The following C1orf56 variants were observed in gnomAD, a reference collection of about 807,000 sequenced individuals.
C1orf56 encodes the protein protein MENT.
A neutral mutation model predicts 20.7 loss-of-function variants in C1orf56; 14 were observed. The ratio of observed to expected loss-of-function variants is 0.68; its 90% CI spans 0.45 to 1.06. The LOEUF is 1.06. Ranked by LOEUF, C1orf56 falls within the 50% of genes least tolerant of loss-of-function variation. The pLI, the probability that C1orf56 is intolerant of heterozygous loss-of-function variation, is 0.00. For missense variants in C1orf56, 424 were observed against 451.4 expected, an observed-to-expected ratio of 0.94 and a Z score of 0.55; for synonymous variants, 187 against 194.7, an observed-to-expected ratio of 0.96 and a Z score of 0.33.
chr1:151,048,459 G>A lies in C1orf56; in HGVS notation c.612G>A (p.Met204Ile), dbSNP rs1420641490. Reference sequence around the variant, plus strand: ...CTGAGGATCTGCGGCTGGTGCTGATGCCCTGGGGCCCGTGGCACTGCCACT... The same window carrying A: ...CTGAGGATCTGCGGCTGGTGCTGATACCCTGGGGCCCGTGGCACTGCCACT... ...PSPEDLRLVL[M>I]PWGPWHCHCK... is the part of the protein sequence containing the mutation. The change falls in exon 1 of 2, where the codon ATG (methionine) becomes ATA (isoleucine). Residue 204 changes from methionine (M) to isoleucine (I), a missense_variant. Transcript: ENST00000368926. The surrounding 1 kb of genome is among the most constrained non-coding windows in gnomAD (Gnocchi z 4.8). The A allele has an allele frequency of 1.9e-6, 3 of 1,608,224 alleles. No individual in the cohort carries two copies. The highest frequency in any genetic ancestry group is 2.2e-5 in the South Asian group (2 of 91,068).
In C1orf56 at chr1:151,051,392, T is replaced by TGAA. The variant is rs1676176239; in HGVS notation, c.*935_*937dup. On this transcript the variant is annotated 3_prime_UTR_variant, in exon 2 of 2. Transcript: ENST00000368926. The stretch of plus-strand genomic sequence containing the variant: ...AAATGGCAGAAAATACATGGAAATT[T>TGAA]GAAAAAAAAAAAAAAAAAAAAAAAA... 2.7e-4 allele frequency: 1 copy of TGAA among 3,688 alleles called. No individual in the cohort carries two copies. Among genetic ancestry groups the TGAA allele is most frequent in the Non-Finnish European group, 1.0e-3 (1 of 986 alleles). The allele number at this position is 3,688 out of a possible 1,614,324, so 0.2% of individuals were successfully genotyped here. A position where few individuals can be genotyped will look rare whatever the true frequency, so the allele number is the denominator to read the frequency against.
chr1:151,048,954 G>T lies in C1orf56; in HGVS notation c.1005+102G>T. ...CCAGCCAGTGTTGCTTACATGAACT[G>T]TTACTGACTTACCTGGTTATTGATT... On this transcript the variant is annotated intron_variant, in intron 1 of 1. Coordinates refer to ENST00000368926, the MANE Select transcript of C1orf56 (RefSeq NM_017860.5). The surrounding 1 kb of genome is among the most constrained non-coding windows in gnomAD (Gnocchi z 4.8). 6.8e-7 allele frequency: 1 copy of T among 1,463,932 alleles called. No homozygotes were observed. Among genetic ancestry groups the T allele is most frequent in the Non-Finnish European group, 9.1e-7 (1 of 1,103,840 alleles). The allele number at this position is 1,463,932 out of a possible 1,614,324, so 90.7% of individuals were successfully genotyped here. A position where few individuals can be genotyped will look rare whatever the true frequency, so the allele number is the denominator to read the frequency against.
Position 151,048,167 on chromosome 1 carries a change from C to T in C1orf56, c.320C>T (p.Ser107Leu). The change falls in exon 1 of 2, where the codon TCA (serine) becomes TTA (leucine). Residue 107 changes from serine to leucine, a missense_variant. Transcript: ENST00000368926. This position sits in a 1 kb window ranked among gnomAD's most constrained non-coding sequence, Gnocchi z 4.8. ...SSAINEEDGS[S>L]EEGVVINAGK... ...GCCATTAACGAGGAGGATGGGTCTT[C>T]AGAAGAGGGGGTTGTGATTAATGCC... is the stretch of plus-strand genomic sequence containing the variant. 1 of 1,614,160 alleles carries T rather than the reference C, an allele frequency of 6.2e-7. No individual in the cohort carries two copies. The highest frequency in any genetic ancestry group is 8.5e-7 in the Non-Finnish European group (1 of 1,180,034).
At position 151,051,405 on chromosome 1, in the gene C1orf56, A is replaced by AAAT. The variant is rs1428422593; in HGVS notation, c.*949_*950insTAA. ...TACATGGAAATTTGAAAAAAAAAAA[A>AAAT]AAAAAAAAAAAAAAAGAACCTCAGT... On this transcript the variant is annotated 3_prime_UTR_variant, in exon 2 of 2. Coordinates refer to ENST00000368926, the MANE Select transcript of C1orf56 (RefSeq NM_017860.5). 1.4e-5 allele frequency: 2 copies of AAAT among 148,074 alleles called. No individual in the cohort carries two copies. The highest frequency in any genetic ancestry group is 1.5e-5 in the Non-Finnish European group (1 of 66,876). The allele number at this position is 148,074 out of a possible 1,614,324, so 9.2% of individuals were successfully genotyped here. A position where few individuals can be genotyped will look rare whatever the true frequency, so the allele number is the denominator to read the frequency against.
chr1:151,050,173 T>C (rs187308588), intron 1 of C1orf56, among the ~76,000 whole-genome samples: 3 of 152,378 alleles, frequency 2.0e-5, no homozygotes, highest in Admixed American at 6.5e-5. Context: ...AAGGTTCTGA[T>C]TGACTTGATA....
rs766053184 is a variant in C1orf56, at chr1:151,048,291, C to G, written c.444C>G (p.Ile148Met). 8 of 1,614,230 alleles carry G rather than the reference C, an allele frequency of 5.0e-6. No homozygotes were observed. The highest frequency in any genetic ancestry group is 4.4e-5 in the South Asian group (4 of 91,084). ...RFIANSQEPE[I>M]RLTSSLPRSP... ...TAGCCAATAGTCAGGAGCCTGAAAT[C>G]AGGCTGACTTCAAGCCTGCCGCGCT... is the stretch of plus-strand genomic sequence containing the variant. The change falls in exon 1 of 2, where the codon ATC becomes ATG. Residue 148 changes from isoleucine to methionine, a missense_variant. Ile to Met is a conservative substitution (Grantham distance 10). Transcript: ENST00000368926. The surrounding 1 kb of genome is among the most constrained non-coding windows in gnomAD (Gnocchi z 4.8).
At position 151,048,034 on chromosome 1, in the gene C1orf56, A is replaced by C; in HGVS notation, c.187A>C (p.Ile63Leu). ...RTGLPRKTRIILEDENDAMAD... is the reference protein window; with the variant it reads ...RTGLPRKTRILLEDENDAMAD... ...TGGTCTTCCCCGGAAGACAAGGATA[A>C]TCCTAGAGGACGAGAATGATGCCAT... Residue 63 changes from isoleucine to leucine, a missense_variant, in exon 1 of 2, where the codon ATC becomes CTC. Ile to Leu is a conservative substitution (Grantham distance 5). Coordinates refer to ENST00000368926, the MANE Select transcript of C1orf56 (RefSeq NM_017860.5). The surrounding 1 kb of genome is among the most constrained non-coding windows in gnomAD (Gnocchi z 4.8). 6.2e-7 allele frequency: 1 copy of C among 1,614,070 alleles called. No homozygotes were observed. Among genetic ancestry groups the C allele is most frequent in the South Asian group, 1.1e-5 (1 of 91,082 alleles).
intron 1 of C1orf56, chr1:151,049,444 C>T (rs1162864928): frequency 6.6e-6 from 1 of 152,078 alleles, no homozygotes; most frequent in East Asian, 1.9e-4. Context: ...TTTTCACAGA[C>T]AAGATCTCGC....
Position 151,047,774 on chromosome 1 carries a change from G to A in C1orf56, c.-74G>A. ...TCAAACGACCCGGTGGGTCTACAGCGGAAGGGAGGGAGCGAAGGTAGGAGG... is the reference window on the plus strand; with the variant it reads ...TCAAACGACCCGGTGGGTCTACAGCAGAAGGGAGGGAGCGAAGGTAGGAGG... On this transcript the variant is annotated 5_prime_UTR_variant, in exon 1 of 2. Transcript: ENST00000368926. The A allele has an allele frequency of 1.4e-6, 2 of 1,440,550 alleles. No individual in the cohort carries two copies. Among genetic ancestry groups the A allele is most frequent in the Admixed American group, 2.8e-5 (1 of 35,246 alleles). The allele number at this position is 1,440,550 out of a possible 1,614,324, so 89.2% of individuals were successfully genotyped here. A position where few individuals can be genotyped will look rare whatever the true frequency, so the allele number is the denominator to read the frequency against.
intron 1 of C1orf56, among the ~76,000 whole-genome samples, chr1:151,050,125 CAAGG>C (rs1205162411): frequency 6.6e-6 from 1 of 152,236 alleles, no homozygotes; most frequent in Non-Finnish European, 1.5e-5. Context: ...CCTTCCAGGA[CAAGG>C]AAGGATAGTC....
Position 151,047,754 on chromosome 1 carries a change from C to A in C1orf56, c.-94C>A, listed in dbSNP as rs1676082663. The A allele has an allele frequency of 8.4e-6, 12 of 1,422,622 alleles. No homozygotes were observed. Among genetic ancestry groups the A allele is most frequent in the Non-Finnish European group, 1.1e-5 (12 of 1,094,514 alleles). 88.1% of individuals were successfully genotyped at this position (1,422,622 alleles called of 1,614,324 possible). ...CCTTCCCCGCGGGCCTCGGTTCAAACGACCCGGTGGGTCTACAGCGGAAGG... is the reference window on the plus strand; with the variant it reads ...CCTTCCCCGCGGGCCTCGGTTCAAAAGACCCGGTGGGTCTACAGCGGAAGG... On this transcript the variant is annotated 5_prime_UTR_variant, in exon 1 of 2. Transcript: ENST00000368926.
In C1orf56 at chr1:151,048,623, G is replaced by A. The variant is rs905040036; in HGVS notation, c.776G>A (p.Arg259Gln). Residue 259 changes from arginine (R) to glutamine (Q), a missense_variant, in exon 1 of 2, where the codon CGG (arginine) becomes CAG (glutamine). By Grantham distance (43) the Arg-to-Gln change is conservative. Coordinates refer to ENST00000368926, the MANE Select transcript of C1orf56 (RefSeq NM_017860.5). The surrounding 1 kb of genome is among the most constrained non-coding windows in gnomAD (Gnocchi z 4.8). ...CAACAATGTCCCTGCAACCGACTTC[G>A]GGAAGAGTGCCCCCTGGACACAAGT... is the stretch of plus-strand genomic sequence containing the variant. ...TYQQCPCNRL[R>Q]EECPLDTSLC... 1.9e-6 allele frequency: 3 copies of A among 1,614,222 alleles called. No individual in the cohort carries two copies. The highest frequency in any genetic ancestry group is 3.3e-5 in the Admixed American group (2 of 60,030).
At chr1:151,049,280 A>ATTT (rs34876001) in intron 1 of C1orf56, among the ~76,000 whole-genome samples, 1,598 of 142,340 alleles carry the variant, frequency 0.011, 16 homozygotes, top group South Asian at 0.021. Context: ...TGCCCGGCTA[A>ATTT]TTTTTTTTTT....
intron 1 of C1orf56, among the ~76,000 whole-genome samples, chr1:151,049,117 A>AT (rs781218255): frequency 0.013 from 1,886 of 147,768 alleles, 19 homozygotes; most frequent in Non-Finnish European, 0.019. Flanking sequence ...GATTGGAAAT[A>AT]TTTTTTTTTT....
In C1orf56 at chr1:151,048,718, A is replaced by C. The variant is rs1377320019; in HGVS notation, c.871A>C (p.Thr291Pro). ...STRTTTTPFP[T>P]IHLRSSPSLP... ...CAGGACCACCACTACCCCCTTCCCC[A>C]CCATCCACCTCAGAAGCAGTCCCAG... The change falls in exon 1 of 2, where the codon ACC (threonine) becomes CCC (proline). Residue 291 changes from threonine (T) to proline (P), a missense_variant. Coordinates refer to ENST00000368926, the MANE Select transcript of C1orf56 (RefSeq NM_017860.5). The surrounding 1 kb of genome is among the most constrained non-coding windows in gnomAD (Gnocchi z 4.8). 1.9e-6 allele frequency: 3 copies of C among 1,612,080 alleles called. No individual in the cohort carries two copies. The South Asian group carries it at 3.3e-5, about 18-fold the overall frequency.
At chr1:151,049,882 CAATT>C (rs1676142053) in intron 1 of C1orf56, among the ~76,000 whole-genome samples, 1 of 152,210 alleles carries the variant, frequency 6.6e-6, no homozygotes, top group Admixed American at 6.5e-5. Context: ...GGATCTTAAT[CAATT>C]AATAGTTTTG....
chr1:151,048,580 C>A lies in C1orf56; in HGVS notation c.733C>A (p.His245Asn). The change falls in exon 1 of 2, where the codon CAC becomes AAC. Residue 245 changes from histidine to asparagine, a missense_variant. By Grantham distance (68) the His-to-Asn change is moderately conservative (BLOSUM62 1). Coordinates refer to ENST00000368926, the MANE Select transcript of C1orf56 (RefSeq NM_017860.5). This position sits in a 1 kb window ranked among gnomAD's most constrained non-coding sequence, Gnocchi z 4.8. ...VGALSQLRTE[H>N]KPCTYQQCPC... ...GGCGCTGAGCCAGCTCCGCACGGAG[C>A]ACAAGCCTTGCACCTATCAACAATG... The A allele has an allele frequency of 6.2e-7, 1 of 1,614,214 alleles. No homozygotes were observed. Among genetic ancestry groups the A allele is most frequent in the South Asian group, 1.1e-5 (1 of 91,090 alleles).
In C1orf56 at chr1:151,048,474, G is replaced by GCACTGC; in HGVS notation, c.634_639dup (p.His212_Cys213dup). The GCACTGC allele has an allele frequency of 3.7e-6, 6 of 1,608,620 alleles. No homozygotes were observed. The East Asian group carries it at 1.1e-4, about 30-fold the overall frequency. ...TGGTGCTGATGCCCTGGGGCCCGTGGCACTGCCACTGCAAGTCGGGCACCA... is the reference window on the plus strand; with the variant it reads ...TGGTGCTGATGCCCTGGGGCCCGTGGCACTGCCACTGCCACTGCAAGTCGGGCACCA... On this transcript the variant is annotated inframe_insertion, in exon 1 of 2. Transcript: ENST00000368926. The surrounding 1 kb of genome is among the most constrained non-coding windows in gnomAD (Gnocchi z 4.8).
Position 151,048,492 on chromosome 1 carries a change from G to A in C1orf56, c.645G>A (p.Ser215=), listed in dbSNP as rs587692515. ...GCCCGTGGCACTGCCACTGCAAGTC[G>A]GGCACCATGAGCCGGAGCCGGTCTG... ...PWGPWHCHCK[S]GTMSRSRSGK... The change falls in exon 1 of 2, where the codon TCG becomes TCA. Residue 215 remains serine (S), a synonymous_variant. Transcript: ENST00000368926. This position sits in a 1 kb window ranked among gnomAD's most constrained non-coding sequence, Gnocchi z 4.8. 3.1e-5 allele frequency: 50 copies of A among 1,609,926 alleles called. No individual in the cohort carries two copies. In the East Asian group the frequency reaches 1.0e-3, roughly 32 times the overall value.
Sources: allele counts gnomAD v4.1 joint callset (sites outside exome capture counted in the v4.1 genomes callset), GRCh38; gene constraint gnomAD v4.1.1; non-coding constraint Gnocchi (gnomAD v3.1); transcripts MANE v1.5; gene names NCBI Gene and HGNC (gene_info 2026-07-23, HGNC 2026-07-21).